ICE2: variants seen among roughly 807,000 people sequenced by gnomAD.
ICE2 encodes little elongation complex subunit 2.
In ICE2, 87 loss-of-function variants were observed where a neutral mutation model predicts 105.4. The observed-to-expected ratio is 0.83, with a 90% CI of 0.69 to 0.99. The LOEUF (loss-of-function observed/expected upper bound fraction) is 0.99. Ranked by LOEUF, ICE2 falls within the 50% of genes least tolerant of loss-of-function variation. The pLI, the probability that ICE2 is intolerant of heterozygous loss-of-function variation, is 0.00. For missense variants in ICE2, 1,323 were observed against 1,146.7 expected (o/e 1.15, Z -2.22); for synonymous variants, 399 against 392.0 (o/e 1.02, Z -0.21).
At chr15:60,451,924 CCTA>C (rs1268662670) in intron 9 of ICE2, 1 of 266,094 alleles carries the variant, frequency 3.8e-6, no homozygotes, top group Non-Finnish European at 5.8e-6. Context: ...GTATCTCAGC[CCTA>C]CAATTCCTCA....
At chr15:60,472,461 A>T (rs1395286507) in intron 3 of ICE2, among the ~76,000 whole-genome samples, 1 of 152,216 alleles carries the variant, frequency 6.6e-6, no homozygotes, top group African/African-American at 2.4e-5. Flanking sequence ...TTAGGAAAAA[A>T]GACTAGAAAC....
chr15:60,450,274 C>A (rs1242986452), intron 9 of ICE2, among the ~76,000 whole-genome samples: 1 of 152,166 alleles, frequency 6.6e-6, no homozygotes, highest in Non-Finnish European at 1.5e-5. Context: ...GAGGACGCTG[C>A]TTTTTAATGC....
At chr15:60,432,294 T>C (rs892008700) in intron 13 of ICE2, among the ~76,000 whole-genome samples, 3 of 151,102 alleles carry the variant, frequency 2.0e-5, no homozygotes, top group African/African-American at 7.3e-5. Context: ...TTCAAGTGAT[T>C]CTCTTGCCTC....
chr15:60,437,963 C>T (rs1355438539), intron 12 of ICE2: 2 of 152,048 alleles, frequency 1.3e-5, no homozygotes, highest in Non-Finnish European at 2.9e-5. Context: ...CACCCGGCTC[C>T]GATTCTTACT....
At chr15:60,473,406 C>T (rs565233259) in intron 3 of ICE2, among the ~76,000 whole-genome samples, 132 of 152,196 alleles carry the variant, frequency 8.7e-4, no homozygotes, top group Non-Finnish European at 2.4e-4. Flanking sequence ...GATCCTCACA[C>T]CTCAGCCTCC....
chr15:60,448,525 A>G (rs1021004868), intron 10 of ICE2, among the ~76,000 whole-genome samples: 1 of 152,234 alleles, frequency 6.6e-6, no homozygotes, highest in East Asian at 1.9e-4. Context: ...CCAAGTATAA[A>G]TAAATTTTAA....
intron 6 of ICE2, 27 bp from the exon 7 acceptor site, chr15:60,455,469 T>C (rs2064081657): frequency 2.7e-6 from 4 of 1,457,172 alleles, no homozygotes; most frequent in African/African-American, 1.4e-5. Context: ...AATCATTTTA[T>C]TGCAAAAATC....
At chr15:60,446,332 C>T (rs2063821208) in intron 11 of ICE2, among the ~76,000 whole-genome samples, 3 of 152,128 alleles carry the variant, frequency 2.0e-5, no homozygotes, top group African/African-American at 7.2e-5. Flanking sequence ...ATGGGTTGGC[C>T]TTAGTTTATC....
chr15:60,460,932 A>G (rs1337402500), intron 5 of ICE2, among the ~76,000 whole-genome samples: 1 of 152,164 alleles, frequency 6.6e-6, no homozygotes, highest in Non-Finnish European at 1.5e-5. Context: ...GGGTTTCTCA[A>G]TGCAAGCACC....
intron 6 of ICE2, 139 bp from the exon 7 acceptor site, chr15:60,455,581 G>A: frequency 1.6e-6 from 1 of 615,510 alleles, no homozygotes; most frequent in Non-Finnish European, 2.8e-6. Flanking sequence ...GAAACTTTAT[G>A]CCAAGATATT....
At chr15:60,437,122 G>A (rs544526924) in intron 12 of ICE2, among the ~76,000 whole-genome samples, 11 of 151,806 alleles carry the variant, frequency 7.2e-5, no homozygotes, top group Non-Finnish European at 1.6e-4. Flanking sequence ...AGGCATGGTG[G>A]TGGGCACCTG....
In ICE2 at chr15:60,423,259, T is replaced by A. The variant is rs1376975259; in HGVS notation, c.*375A>T. The A allele has an allele frequency of 6.4e-6, 1 of 155,388 alleles. No individual in the cohort carries two copies. Among genetic ancestry groups the A allele is most frequent in the African/African-American group, 2.4e-5 (1 of 41,488 alleles). The allele number at this position is 155,388 out of a possible 1,614,324, so 9.6% of individuals were successfully genotyped here. Reference sequence around the variant, plus strand: ...CAGTGGCAACATTTAACTTTTTGAGTCAGTCGCAACAGACTGGCAATATAA... The same window carrying A: ...CAGTGGCAACATTTAACTTTTTGAGACAGTCGCAACAGACTGGCAATATAA... On this transcript the variant is annotated 3_prime_UTR_variant, in exon 16 of 16. Coordinates refer to ENST00000261520, the MANE Select transcript of ICE2 (RefSeq NM_024611.6).
intron 13 of ICE2, among the ~76,000 whole-genome samples, chr15:60,434,309 T>A (rs2063529783): frequency 6.6e-6 from 1 of 152,202 alleles, no homozygotes. Flanking sequence ...GAAGTTAGAC[T>A]CTCAGAGTTT....
intron 12 of ICE2, chr15:60,441,440 C>T (rs2063718127): frequency 6.6e-6 from 1 of 152,154 alleles, no homozygotes; most frequent in South Asian, 2.1e-4. Context: ...TTATTACATA[C>T]AAGCAATCAA....
At chr15:60,460,312 C>T (rs1044960635) in intron 5 of ICE2, among the ~76,000 whole-genome samples, 1 of 152,192 alleles carries the variant, frequency 6.6e-6, no homozygotes, top group African/African-American at 2.4e-5. Context: ...GCCTGGCCAA[C>T]ATGGTGAAAT....
intron 5 of ICE2, among the ~76,000 whole-genome samples, chr15:60,459,197 T>A (rs986834281): frequency 6.6e-6 from 1 of 152,106 alleles, no homozygotes; most frequent in East Asian, 1.9e-4. Context: ...TATAAATCCA[T>A]AGACACAATA....
At chr15:60,423,867 G>A (rs573511801) in intron 15 of ICE2, 105 bp from the exon 16 acceptor site, 3 of 1,033,404 alleles carry the variant, frequency 2.9e-6, no homozygotes, top group East Asian at 3.0e-5. Flanking sequence ...TTGCAAATAA[G>A]CTCTTATATA....
chr15:60,442,498 A>G lies in ICE2; in HGVS notation c.2343T>C (p.Tyr781=), dbSNP rs1063100. 0.58 allele frequency: 922,227 copies of G among 1,589,462 alleles called. 276,045 individuals are homozygous for G. The highest frequency in any genetic ancestry group is 0.85 in the East Asian group (37,381 of 43,768). ...CACTTTCAGTCAGAGCTTCAACTCC[A>G]TAACAAGCTTGATACTCTACTTTTG... ...VLPKVEYQAC[Y]GVEALTESEL... is the part of the protein sequence containing the mutation. Residue 781 remains tyrosine, a synonymous_variant, in exon 12 of 16, where the codon TAT becomes TAC. Transcript: ENST00000261520.
intron 12 of ICE2, chr15:60,438,698 C>T (rs1401768666): frequency 6.6e-6 from 1 of 152,232 alleles, no homozygotes; most frequent in East Asian, 1.9e-4. Context: ...GAATACCATA[C>T]TAAGTGCTCT....
Sources: gnomAD v4.1 joint callset for allele counts (sites outside exome capture counted in the v4.1 genomes callset) on GRCh38, gnomAD v4.1.1 for gene constraint, MANE v1.5 for transcripts, NCBI Gene and HGNC (gene_info 2026-07-23, HGNC 2026-07-21) for gene names.